FAAH2: variants seen among roughly 807,000 people sequenced by gnomAD.
FAAH2 encodes fatty-acid amide hydrolase 2.
In FAAH2, 60 loss-of-function variants were observed where a neutral mutation model predicts 36.9. That is an observed-to-expected ratio of 1.63 (90% confidence interval 1.32 to 2.02). The LOEUF (loss-of-function observed/expected upper bound fraction) is 2.02, where lower values mean the gene tolerates loss of function less well. FAAH2 is among the 30% of genes most tolerant of loss of function. The pLI, the probability that FAAH2 is intolerant of heterozygous loss-of-function variation, is 0.00. For synonymous variants in FAAH2, 214 were observed against 143.8 expected (o/e 1.49, Z -3.49); for missense variants, 689 against 397.5 (o/e 1.73, Z -6.23).
chrX:57,305,237 G>C (rs1389302033), intron 2 of FAAH2, among the ~76,000 whole-genome samples: 1 of 110,377 alleles, frequency 9.1e-6, no homozygotes, highest in Non-Finnish European at 1.9e-5. Flanking sequence ...CTACCTACTT[G>C]ACACCTCTAC....
At chrX:57,453,756 TAA>T (rs1264830270) in intron 10 of FAAH2, among the ~76,000 whole-genome samples, 3 of 111,661 alleles carry the variant, frequency 2.7e-5, no homozygotes, top group African/African-American at 6.5e-5. Context: ...GACAGGGGAT[TAA>T]GTGACCCCAC....
At chrX:57,205,126 T>A in the FAAH2 span, among the ~76,000 whole-genome samples, 73 of 112,537 alleles carry the variant, frequency 6.5e-4, no homozygotes, top group African/African-American at 2.3e-3. Context: ...ATGTGTGACA[T>A]CCATTTGCCA....
intron 7 of FAAH2, among the ~76,000 whole-genome samples, chrX:57,400,049 A>C (rs2055394794): frequency 8.9e-6 from 1 of 112,241 alleles, no homozygotes; most frequent in Admixed American, 9.4e-5. Context: ...GGTTTGAGCA[A>C]TTACTTGTTG....
chrX:57,328,233 G>T (rs1344159126), intron 3 of FAAH2, among the ~76,000 whole-genome samples: 1 of 111,462 alleles, frequency 9.0e-6, no homozygotes, highest in African/African-American at 3.3e-5. Flanking sequence ...GCCGTGTGAG[G>T]TGTCAGTCTG....
chrX:57,183,497 A>G, the FAAH2 span, among the ~76,000 whole-genome samples: 1 of 112,002 alleles, frequency 8.9e-6, no homozygotes, highest in South Asian at 3.7e-4. Context: ...GAAGTCAGGG[A>G]TCTCAAATGG....
the FAAH2 span, among the ~76,000 whole-genome samples, chrX:57,151,060 A>C: frequency 1.9e-3 from 213 of 110,963 alleles, 1 homozygote; most frequent in African/African-American, 6.4e-3. Context: ...GTTGAAAATT[A>C]TTTTCTTTAA....
chrX:57,418,295 C>A (rs2055900049), intron 7 of FAAH2, among the ~76,000 whole-genome samples: 1 of 111,848 alleles, frequency 8.9e-6, no homozygotes, highest in Non-Finnish European at 1.9e-5. Flanking sequence ...ACTCCTGCAG[C>A]TAGCTCAGTG....
the FAAH2 span, among the ~76,000 whole-genome samples, chrX:57,205,183 G>A: frequency 8.9e-6 from 1 of 112,831 alleles, no homozygotes; most frequent in Non-Finnish European, 1.9e-5. Context: ...TCCTGTAAAA[G>A]ATGAGGAATG....
chrX:57,136,414 CTCCT>C, the FAAH2 span: 1 of 776,989 alleles, frequency 1.3e-6, no homozygotes, highest in Non-Finnish European at 1.8e-6. Flanking sequence ...ATGGGCTCAT[CTCCT>C]TCCTTCCATC....
intron 5 of FAAH2, among the ~76,000 whole-genome samples, chrX:57,359,593 A>G (rs1397438533): frequency 8.9e-6 from 1 of 111,784 alleles, no homozygotes; most frequent in Admixed American, 9.5e-5. Flanking sequence ...ATTCTTGTAC[A>G]TATCTGCCCC....
the FAAH2 span, among the ~76,000 whole-genome samples, chrX:57,165,030 G>A: frequency 2.6e-4 from 29 of 112,246 alleles, no homozygotes; most frequent in East Asian, 8.4e-4. Flanking sequence ...ATTGGGCATA[G>A]CATTTTCTTT....
chrX:57,400,702 A>C (rs971910554), intron 7 of FAAH2, among the ~76,000 whole-genome samples: 1 of 112,635 alleles, frequency 8.9e-6, no homozygotes, highest in Admixed American at 9.4e-5. Flanking sequence ...TGTAGGCTGA[A>C]TGCATTTCTC....
At chrX:57,447,653 G>A (rs910860155) in intron 9 of FAAH2, among the ~76,000 whole-genome samples, 4 of 112,238 alleles carry the variant, frequency 3.6e-5, no homozygotes, top group Non-Finnish European at 7.5e-5. Context: ...ATCCTCTGAA[G>A]CAATTACCTG....
intron 5 of FAAH2, among the ~76,000 whole-genome samples, chrX:57,374,893 A>AT (rs1042337210): frequency 9.0e-6 from 1 of 110,889 alleles, no homozygotes; most frequent in African/African-American, 3.3e-5. Flanking sequence ...TTGTATGCCG[A>AT]TTTTGCTGAG....
intron 5 of FAAH2, among the ~76,000 whole-genome samples, chrX:57,377,328 G>T (rs1021650669): frequency 1.1e-4 from 12 of 112,217 alleles, no homozygotes; most frequent in African/African-American, 3.9e-4. Flanking sequence ...TTTGTATAAG[G>T]TGTAGGAAGT....
chrX:57,265,376 C>A, the FAAH2 span, among the ~76,000 whole-genome samples: 1 of 111,876 alleles, frequency 8.9e-6, no homozygotes, highest in African/African-American at 3.3e-5. Flanking sequence ...CAGGATAAGA[C>A]CCACTGGCTT....
chrX:57,281,835 C>T (rs939853287), upstream of FAAH2, among the ~76,000 whole-genome samples: 21 of 111,195 alleles, frequency 1.9e-4, no homozygotes, highest in African/African-American at 6.6e-4. Context: ...TTTTCTGTTC[C>T]TGTGATAGTT....
the FAAH2 span, among the ~76,000 whole-genome samples, chrX:57,272,227 A>G: frequency 9.1e-6 from 1 of 109,775 alleles, no homozygotes; most frequent in South Asian, 3.9e-4. Context: ...AAAAGAAAGA[A>G]CAAACACTCC....
rs755873853 is a variant in FAAH2 at position 57,331,530 on chromosome X, G to A, written c.413-68G>A. ...CTGGCTACATCTAGTTGGCCATCTT[G>A]CCCCTCAGGAGAAAACAACTATTTT... On this transcript the variant is annotated intron_variant, in intron 3 of 10. Transcript: ENST00000374900. 333 of 973,756 alleles carry A rather than the reference G, an allele frequency of 3.4e-4. 1 individual carries two copies. In the Middle Eastern group the frequency reaches 0.013, roughly 38 times the overall value. The allele number at this position is 973,756 out of a possible 1,213,427, so 80.2% of individuals were successfully genotyped here. A position where few individuals can be genotyped will look rare whatever the true frequency, so the allele number is the denominator to read the frequency against.
Sources: gnomAD v4.1 joint callset for allele counts (sites outside exome capture counted in the v4.1 genomes callset) on GRCh38, gnomAD v4.1.1 for gene constraint, MANE v1.5 for transcripts, NCBI Gene and HGNC (gene_info 2026-07-23, HGNC 2026-07-21) for gene names.